Variants in CNTN4 observed in about 807,000 individuals in gnomAD.
The protein encoded by CNTN4 is contactin-4.
CNTN4 carries 77 observed loss-of-function variants against 122.5 expected under a neutral mutation model. The observed-to-expected ratio is 0.63, with a 90% confidence interval of 0.52 to 0.76. The LOEUF (loss-of-function observed/expected upper bound fraction) is 0.76, where lower values mean the gene tolerates loss of function less well. CNTN4 is among the 30% of genes least tolerant of loss of function. The pLI, the probability that CNTN4 is intolerant of heterozygous loss-of-function variation, is 0.00. For missense variants in CNTN4, 1,256 were observed against 1,259.1 expected (o/e 1.00, Z 0.04); for synonymous variants, 512 against 447.0 (o/e 1.15, Z -1.83).
chr3:2,191,640 T>C (rs77567214), intron 2 of CNTN4, among the ~76,000 whole-genome samples: 3,721 of 151,998 alleles, frequency 0.024, 146 homozygotes, highest in African/African-American at 0.086. Context: ...AGGCCCCAAC[T>C]GCCTACAACT....
At chr3:2,272,142 A>C (rs2041323318) in intron 2 of CNTN4, among the ~76,000 whole-genome samples, 1 of 139,276 alleles carries the variant, frequency 7.2e-6, no homozygotes, top group African/African-American at 2.6e-5. Flanking sequence ...TTTGGCTTTA[A>C]CATTTTCCAA....
intron 3 of CNTN4, among the ~76,000 whole-genome samples, chr3:2,402,825 A>G (rs1443317827): frequency 1.3e-5 from 2 of 152,192 alleles, no homozygotes; most frequent in African/African-American, 4.8e-5. Flanking sequence ...TACCTAAAGT[A>G]TATGAAAGTT....
intron 2 of CNTN4, among the ~76,000 whole-genome samples, chr3:2,256,593 A>G (rs150677495): frequency 2.1e-4 from 32 of 152,328 alleles, no homozygotes; most frequent in African/African-American, 7.2e-4. Flanking sequence ...CTTATCCACC[A>G]TGATCAAGTC....
intron 14 of CNTN4, among the ~76,000 whole-genome samples, chr3:3,024,462 T>C (rs1365009921): frequency 6.6e-6 from 1 of 151,744 alleles, no homozygotes; most frequent in Non-Finnish European, 1.5e-5. Flanking sequence ...AGCGGATTTT[T>C]ATTATGTAGT....
intron 4 of CNTN4, among the ~76,000 whole-genome samples, chr3:2,614,624 T>C (rs975443391): frequency 1.3e-5 from 2 of 152,142 alleles, no homozygotes; most frequent in African/African-American, 2.4e-5. Flanking sequence ...ACTTTCAAAC[T>C]TCTGGCTTGA....
chr3:2,159,385 A>T (rs924111054), intron 2 of CNTN4, among the ~76,000 whole-genome samples: 1 of 152,204 alleles, frequency 6.6e-6, no homozygotes, highest in South Asian at 2.1e-4. Flanking sequence ...GGCATAAATT[A>T]TCTACTTACT....
chr3:2,238,007 A>G (rs950764221), intron 2 of CNTN4, among the ~76,000 whole-genome samples: 1 of 152,128 alleles, frequency 6.6e-6, no homozygotes, highest in African/African-American at 2.4e-5. Context: ...GTTTTTTAAC[A>G]TGACTTGCCA....
chr3:2,811,547 A>G lies in CNTN4; in HGVS notation c.359-7939A>G, dbSNP rs191073693. 4.3e-3 allele frequency among the ~76,000 whole-genome samples: 635 copies of G among 149,252 alleles called. 2 individuals carry two copies. Among genetic ancestry groups the G allele is most frequent in the African/African-American group, 0.014 (585 of 40,516 alleles). ...CTGATCTCAGCTCACTGCAAGCTCC[A>G]CCTCCTGGGTTCACGCCATTCTCCT... is the stretch of plus-strand genomic sequence containing the variant. On this transcript the variant is annotated intron_variant, in intron 6 of 24. Coordinates refer to ENST00000418658, the MANE Select transcript of CNTN4 (RefSeq NM_175607.3).
At chr3:2,786,470 C>T (rs73121183) in intron 6 of CNTN4, among the ~76,000 whole-genome samples, 77 of 152,316 alleles carry the variant, frequency 5.1e-4, no homozygotes, top group Middle Eastern at 6.8e-3. Context: ...TCACCCTCAA[C>T]GGGTTAAGAT....
At chr3:2,605,273 A>G (rs1224028843) in intron 4 of CNTN4, among the ~76,000 whole-genome samples, 1 of 152,202 alleles carries the variant, frequency 6.6e-6, no homozygotes, top group South Asian at 2.1e-4. Context: ...GTGAGCCACC[A>G]TGCCCAGCTC....
chr3:2,577,295 A>T, intron 4 of CNTN4, among the ~76,000 whole-genome samples: 1 of 152,200 alleles, frequency 6.6e-6, no homozygotes, highest in East Asian at 1.9e-4. Flanking sequence ...GTGGGAAAAA[A>T]CAGCTTTAAC....
At chr3:2,630,386 C>T (rs571713871) in intron 4 of CNTN4, among the ~76,000 whole-genome samples, 2 of 152,280 alleles carry the variant, frequency 1.3e-5, no homozygotes, top group Non-Finnish European at 2.9e-5. Flanking sequence ...TTGCAGTGAG[C>T]CAAGATCCTG....
intron 3 of CNTN4, among the ~76,000 whole-genome samples, chr3:2,369,329 G>T (rs1175093045): frequency 6.6e-6 from 1 of 152,132 alleles, no homozygotes; most frequent in African/African-American, 2.4e-5. Context: ...GTGAGAGTAG[G>T]ACTTTCCCCT....
At chr3:2,149,452 C>G (rs2035398827) in intron 2 of CNTN4, among the ~76,000 whole-genome samples, 1 of 152,168 alleles carries the variant, frequency 6.6e-6, no homozygotes, top group Non-Finnish European at 1.5e-5. Flanking sequence ...AGAGGCCCCA[C>G]TAGCTCACAT....
At chr3:2,859,176 G>A (rs2093647680) in intron 7 of CNTN4, among the ~76,000 whole-genome samples, 1 of 152,134 alleles carries the variant, frequency 6.6e-6, no homozygotes, top group African/African-American at 2.4e-5. Flanking sequence ...TTCTGTGCCT[G>A]GCTTATTTCA....
chr3:2,766,296 C>T (rs1011840556), intron 6 of CNTN4, among the ~76,000 whole-genome samples: 2 of 152,164 alleles, frequency 1.3e-5, no homozygotes, highest in African/African-American at 4.8e-5. Context: ...TCCACCAGTG[C>T]TTCACACACA....
intron 3 of CNTN4, among the ~76,000 whole-genome samples, chr3:2,402,592 A>G (rs1170175706): frequency 6.6e-6 from 1 of 152,118 alleles, no homozygotes; most frequent in Non-Finnish European, 1.5e-5. Context: ...ATTTTGAAAT[A>G]TACAATAAAT....
intron 3 of CNTN4, among the ~76,000 whole-genome samples, chr3:2,518,441 G>C (rs1204284835): frequency 6.6e-6 from 1 of 152,140 alleles, no homozygotes; most frequent in African/African-American, 2.4e-5. Flanking sequence ...GTACATGACA[G>C]TCTTCGGTCG....
intron 4 of CNTN4, among the ~76,000 whole-genome samples, chr3:2,648,606 C>A (rs554757627): frequency 6.6e-6 from 1 of 152,260 alleles, no homozygotes; most frequent in Admixed American, 6.5e-5. Flanking sequence ...GGCCTCTCCC[C>A]CATCTCTCTC....
Sources: allele counts gnomAD v4.1 joint callset (sites outside exome capture counted in the v4.1 genomes callset), GRCh38; gene constraint gnomAD v4.1.1; transcripts MANE v1.5; gene names NCBI Gene and HGNC (gene_info 2026-07-23, HGNC 2026-07-21).